Variants in PAPPA observed in about 807,000 individuals in gnomAD.
The protein encoded by PAPPA is pappalysin-1.
A neutral mutation model predicts 164.0 loss-of-function variants in PAPPA; 60 were observed. The observed-to-expected ratio is 0.37, with a 90% CI of 0.30 to 0.45. PAPPA has a LOEUF of 0.45. Among genes scored for constraint, PAPPA ranks in the 20% least tolerant of loss-of-function variants. The pLI is 1.00. For missense variants in PAPPA, 1,782 were observed against 2,087.3 expected (o/e 0.85, Z 2.85); for synonymous variants, 875 against 814.1 (o/e 1.07, Z -1.27).
chr9:116,250,972 C>T (rs1341575719), intron 7 of PAPPA, among the ~76,000 whole-genome samples: 1 of 152,180 alleles, frequency 6.6e-6, no homozygotes, highest in Non-Finnish European at 1.5e-5. Flanking sequence ...ATAGTAACGT[C>T]ATGGCAGCTG....
At chr9:116,261,225 C>A (rs1392734268) in intron 7 of PAPPA, among the ~76,000 whole-genome samples, 1 of 152,002 alleles carries the variant, frequency 6.6e-6, no homozygotes, top group Non-Finnish European at 1.5e-5. Flanking sequence ...TGTTTTTATT[C>A]CAGAGGATGA....
chr9:116,230,566 C>A (rs120623), intron 6 of PAPPA, among the ~76,000 whole-genome samples: 1 of 152,178 alleles, frequency 6.6e-6, no homozygotes. Context: ...CTTTCTAGCT[C>A]TAATATTGCA....
At chr9:116,323,479 GTGA>G (rs1845884797) in intron 10 of PAPPA, among the ~76,000 whole-genome samples, 1 of 152,182 alleles carries the variant, frequency 6.6e-6, no homozygotes, top group South Asian at 2.1e-4. Flanking sequence ...CAGATATCCA[GTGA>G]TCCCAAAGCT....
intron 11 of PAPPA, 124 bp from the exon 12 acceptor site, chr9:116,332,209 C>A: frequency 2.9e-6 from 2 of 688,016 alleles, no homozygotes; most frequent in South Asian, 2.2e-5. Flanking sequence ...CCATCTTGGA[C>A]CCCTGATGAG....
chr9:116,380,714 C>T (rs948834408), intron 20 of PAPPA, among the ~76,000 whole-genome samples: 11 of 152,236 alleles, frequency 7.2e-5, no homozygotes, highest in African/African-American at 2.7e-4. Flanking sequence ...ACCCACACAA[C>T]TGAGCTCAGG....
intron 13 of PAPPA, among the ~76,000 whole-genome samples, chr9:116,336,160 A>G (rs1040682382): frequency 1.3e-5 from 2 of 151,906 alleles, no homozygotes; most frequent in Non-Finnish European, 2.9e-5. Flanking sequence ...AAGAAGAGAG[A>G]GTTGTGATTT....
chr9:116,175,119 A>G (rs535016982), intron 1 of PAPPA, among the ~76,000 whole-genome samples: 198 of 152,234 alleles, frequency 1.3e-3, no homozygotes, highest in African/African-American at 4.5e-3. Flanking sequence ...ATACATTCAA[A>G]CCTAATGACC....
intron 21 of PAPPA, among the ~76,000 whole-genome samples, chr9:116,387,037 T>G (rs1453986141): frequency 2.6e-5 from 4 of 151,968 alleles, no homozygotes. Context: ...CAGTCCCATA[T>G]CAAGAGACAA....
chr9:116,217,997 T>A (rs1054560407), intron 4 of PAPPA, among the ~76,000 whole-genome samples: 14 of 152,204 alleles, frequency 9.2e-5, no homozygotes, highest in African/African-American at 3.4e-4. Flanking sequence ...GAAAAAAGTG[T>A]CCAATTATCT....
chr9:116,303,746 T>A (rs1215329522), intron 10 of PAPPA, among the ~76,000 whole-genome samples: 1 of 152,168 alleles, frequency 6.6e-6, no homozygotes. Context: ...TCCCAGGCAT[T>A]CCTTTCCAAT....
intron 1 of PAPPA, among the ~76,000 whole-genome samples, chr9:116,179,776 G>A (rs186752097): frequency 6.6e-6 from 1 of 152,256 alleles, no homozygotes; most frequent in Admixed American, 6.5e-5. Flanking sequence ...ACTGTCCTCT[G>A]GACAGATAAA....
At chr9:116,302,709 G>T in intron 9 of PAPPA, 48 bp from the exon 10 acceptor site, 1 of 1,521,248 alleles carries the variant, frequency 6.6e-7, no homozygotes. Context: ...TGAGGCCAAA[G>T]AACAAATATT....
intron 21 of PAPPA, among the ~76,000 whole-genome samples, chr9:116,393,289 A>G (rs10120005): frequency 0.21 from 32,587 of 152,152 alleles, 3,625 homozygotes; most frequent in Middle Eastern, 0.28. Flanking sequence ...ATGAGAAGTT[A>G]GAAGCTATGA....
At chr9:116,305,138 C>CAG (rs1329262331) in intron 10 of PAPPA, among the ~76,000 whole-genome samples, 1 of 136,984 alleles carries the variant, frequency 7.3e-6, no homozygotes, top group South Asian at 2.3e-4. Context: ...CACACAGACA[C>CAG]ACACACACAC....
At chr9:116,186,208 G>A (rs747256622) in intron 1 of PAPPA, among the ~76,000 whole-genome samples, 4 of 23,066 alleles carry the variant, frequency 1.7e-4, no homozygotes, top group Non-Finnish European at 9.0e-4. Flanking sequence ...CTCATTATAT[G>A]TGTGTGTGTG....
intron 9 of PAPPA, among the ~76,000 whole-genome samples, chr9:116,278,237 C>A (rs994947388): frequency 3.3e-5 from 5 of 152,188 alleles, no homozygotes; most frequent in Non-Finnish European, 5.9e-5. Flanking sequence ...TTCACCCTCC[C>A]AGCAACTCTG....
chr9:116,384,556 C>A (rs1846780063), intron 21 of PAPPA, among the ~76,000 whole-genome samples: 1 of 152,014 alleles, frequency 6.6e-6, no homozygotes, highest in South Asian at 2.1e-4. Context: ...TTTATGTAAC[C>A]ATTTACTTCA....
chr9:116,359,815 C>A (rs1440567463), intron 17 of PAPPA, among the ~76,000 whole-genome samples: 1 of 152,226 alleles, frequency 6.6e-6, no homozygotes, highest in Non-Finnish European at 1.5e-5. Flanking sequence ...AGAGATGGAG[C>A]TAGAAATGTC....
chr9:116,394,767 C>T (rs560585137), intron 21 of PAPPA, among the ~76,000 whole-genome samples: 10 of 152,174 alleles, frequency 6.6e-5, no homozygotes, highest in East Asian at 3.9e-4. Context: ...GAAAAGGGGA[C>T]GGTGGAAATG....
Sources: gnomAD v4.1 joint callset for allele counts (sites outside exome capture counted in the v4.1 genomes callset) on GRCh38, gnomAD v4.1.1 for gene constraint, MANE v1.5 for transcripts, NCBI Gene and HGNC (gene_info 2026-07-23, HGNC 2026-07-21) for gene names.